Variants in NLGN1 observed in about 807,000 individuals in gnomAD.
The protein encoded by NLGN1 is neuroligin-1.
In NLGN1, 12 loss-of-function variants were observed where a neutral mutation model predicts 65.5. The ratio of observed to expected loss-of-function variants is 0.18; its 90% CI spans 0.12 to 0.30. The LOEUF is 0.30. Among genes scored for constraint, NLGN1 ranks in the 10% least tolerant of loss-of-function variants. NLGN1 has a pLI of 1.00. For missense variants in NLGN1, 750 were observed against 1,007.1 expected (o/e 0.74, Z 3.46); for synonymous variants, 350 against 359.5 (o/e 0.97, Z 0.30).
intron 5 of NLGN1, among the ~76,000 whole-genome samples, chr3:174,278,488 A>G (rs1751000302): frequency 6.6e-6 from 1 of 151,994 alleles, no homozygotes. Flanking sequence ...AGTCTGTTGG[A>G]GAGTTAAATA....
chr3:173,523,141 T>TATC (rs34092902), intron 2 of NLGN1, among the ~76,000 whole-genome samples: 84,472 of 151,030 alleles, frequency 0.56, 25,052 homozygotes, highest in East Asian at 0.87. Context: ...TTGTTGTTGT[T>TATC]ATTGAGATGT....
In NLGN1 at chr3:173,909,653, C is replaced by CATTT. The variant is rs547453207; in HGVS notation, c.646+101841_646+101844dup. 4.9e-4 allele frequency among the ~76,000 whole-genome samples: 75 copies of CATTT among 152,180 alleles called. 1 individual carries two copies. The highest frequency in any genetic ancestry group is 1.0e-3 in the South Asian group (5 of 4,820). On this transcript the variant is annotated intron_variant, in intron 4 of 6. Transcript: ENST00000457714. ...TTCATTGCAACCACCCTCCCCACAG[C>CATTT]ATTTATTTATTTATTTATTTATTCA...
At chr3:173,407,106 CT>C (rs1718835907) in intron 1 of NLGN1, among the ~76,000 whole-genome samples, 1 of 152,086 alleles carries the variant, frequency 6.6e-6, no homozygotes, top group Non-Finnish European at 1.5e-5. Context: ...ATGGAGAGTA[CT>C]ATTTAATGGC....
intron 2 of NLGN1, among the ~76,000 whole-genome samples, chr3:173,499,019 A>T (rs1390444063): frequency 6.6e-6 from 1 of 150,912 alleles, no homozygotes; most frequent in Non-Finnish European, 1.5e-5. Flanking sequence ...GTTCACTCTG[A>T]TGGTAGTTTC....
At chr3:174,193,342 A>G (rs370244344) in intron 4 of NLGN1, among the ~76,000 whole-genome samples, 1 of 152,222 alleles carries the variant, frequency 6.6e-6, no homozygotes, top group African/African-American at 2.4e-5. Context: ...CTCTACCTCA[A>G]AAGCTTTTCA....
At chr3:173,632,849 G>GTTTTTTT (rs5854526) in intron 3 of NLGN1, among the ~76,000 whole-genome samples, 11 of 116,424 alleles carry the variant, frequency 9.4e-5, no homozygotes, top group Admixed American at 5.6e-4. Context: ...TTTTTTTTTT[G>GTTTTTTT]TTTTTTTTTT....
intron 4 of NLGN1, among the ~76,000 whole-genome samples, chr3:174,079,153 A>G (rs1270608656): frequency 2.0e-5 from 3 of 152,110 alleles, no homozygotes; most frequent in Admixed American, 2.0e-4. Flanking sequence ...ATAAAGGTCT[A>G]CTATCCAGCA....
At chr3:173,590,311 A>T (rs1748254297) in intron 2 of NLGN1, among the ~76,000 whole-genome samples, 1 of 152,164 alleles carries the variant, frequency 6.6e-6, no homozygotes. Context: ...TCTTATGGGT[A>T]GAAAAAGTCA....
intron 3 of NLGN1, among the ~76,000 whole-genome samples, chr3:173,785,366 A>G (rs1781788981): frequency 6.6e-6 from 1 of 152,166 alleles, no homozygotes; most frequent in Non-Finnish European, 1.5e-5. Context: ...CTTACAATAC[A>G]TTCCTTAATT....
At chr3:174,272,389 CTG>C (rs1212613728) in intron 4 of NLGN1, among the ~76,000 whole-genome samples, 2 of 151,732 alleles carry the variant, frequency 1.3e-5, no homozygotes, top group African/African-American at 4.8e-5. Flanking sequence ...AATTAGCAAA[CTG>C]TATCTCTTTT....
At chr3:173,522,532 G>A (rs1472611298) in intron 2 of NLGN1, among the ~76,000 whole-genome samples, 3 of 152,048 alleles carry the variant, frequency 2.0e-5, no homozygotes, top group Non-Finnish European at 4.4e-5. Context: ...CCAGGTTCAC[G>A]CCATTCTCCT....
At chr3:173,583,731 A>G (rs1746785587) in intron 2 of NLGN1, among the ~76,000 whole-genome samples, 1 of 152,144 alleles carries the variant, frequency 6.6e-6, no homozygotes, top group African/African-American at 2.4e-5. Flanking sequence ...AGGTCATTGA[A>G]TTTAAAAGCA....
intron 4 of NLGN1, among the ~76,000 whole-genome samples, chr3:173,880,697 T>G (rs1425154731): frequency 1.3e-5 from 2 of 152,226 alleles, no homozygotes; most frequent in African/African-American, 4.8e-5. Flanking sequence ...TCAGTGTTTA[T>G]GGCTGCTGAC....
intron 2 of NLGN1, among the ~76,000 whole-genome samples, chr3:173,439,701 A>C (rs140202173): frequency 2.6e-5 from 4 of 152,132 alleles, no homozygotes; most frequent in Non-Finnish European, 4.4e-5. Context: ...AGCATGCAAT[A>C]CCACTGAATC....
intron 4 of NLGN1, among the ~76,000 whole-genome samples, chr3:174,016,750 A>G (rs1167186255): frequency 6.6e-6 from 1 of 152,210 alleles, no homozygotes; most frequent in Non-Finnish European, 1.5e-5. Context: ...TACAAAGAAT[A>G]TCTTAATTGC....
chr3:173,540,193 G>T (rs908481621), intron 2 of NLGN1, among the ~76,000 whole-genome samples: 10 of 152,006 alleles, frequency 6.6e-5, no homozygotes, highest in Non-Finnish European at 1.5e-4. Context: ...TCCCTTATAG[G>T]GACCATTCAG....
At chr3:174,205,286 C>T (rs1335078036) in intron 4 of NLGN1, among the ~76,000 whole-genome samples, 2 of 152,028 alleles carry the variant, frequency 1.3e-5, no homozygotes, top group East Asian at 3.9e-4. Flanking sequence ...ATACAATTAG[C>T]TTGAGGTTAA....
intron 4 of NLGN1, among the ~76,000 whole-genome samples, chr3:173,854,953 G>T (rs754013980): frequency 3.9e-5 from 6 of 152,046 alleles, no homozygotes; most frequent in African/African-American, 1.4e-4. Context: ...ACTAGTAAAT[G>T]TTTTGTTCAA....
chr3:174,107,013 CACACAGAGAG>C lies in NLGN1; in HGVS notation c.647-168300_647-168291del, dbSNP rs1439879930. The stretch of plus-strand genomic sequence containing the variant: ...ACACACACACACACACACACACACA[CACACAGAGAG>C]AGAGAGAGAGAGAGAGAGAGAGAGA... On this transcript the variant is annotated intron_variant, in intron 4 of 6. Coordinates refer to ENST00000457714, the Ensembl canonical transcript of NLGN1. Among the ~76,000 whole-genome samples the C allele has an allele frequency of 8.3e-3, 829 of 100,380 alleles. 2 individuals are homozygous for C. Among genetic ancestry groups the C allele is most frequent in the African/African-American group, 0.018 (371 of 20,250 alleles). 65.9% of individuals were successfully genotyped at this position (100,380 alleles called of 152,430 possible). A position where few individuals can be genotyped will look rare whatever the true frequency, so the allele number is the denominator to read the frequency against.
Sources: gnomAD v4.1 joint callset for allele counts (sites outside exome capture counted in the v4.1 genomes callset) on GRCh38, gnomAD v4.1.1 for gene constraint, MANE v1.5 for transcripts, NCBI Gene and HGNC (gene_info 2026-07-23, HGNC 2026-07-21) for gene names.